Variants in MAGI3 observed in about 807,000 individuals in gnomAD.
MAGI3 encodes the protein membrane associated guanylate kinase, WW and PDZ domain containing 3.
In MAGI3, 43 loss-of-function variants were observed where a neutral mutation model predicts 121.8. The ratio of observed to expected loss-of-function variants is 0.35; its 90% CI spans 0.28 to 0.46. MAGI3 has a LOEUF of 0.46. Ranked by LOEUF, MAGI3 falls within the 20% of genes least tolerant of loss-of-function variation. The pLI is 1.00. For synonymous variants in MAGI3, 553 were observed against 639.3 expected (o/e 0.86, Z 2.04); for missense variants, 1,547 against 1,797.3 (o/e 0.86, Z 2.52).
At chr1:113,592,866 G>A (rs930660258) in intron 5 of MAGI3, among the ~76,000 whole-genome samples, 4 of 152,016 alleles carry the variant, frequency 2.6e-5, no homozygotes, top group Non-Finnish European at 5.9e-5. Context: ...CAAAAACTTA[G>A]CTGGGCACGG....
intron 1 of MAGI3, among the ~76,000 whole-genome samples, chr1:113,486,843 A>T (rs1656406791): frequency 6.6e-6 from 1 of 151,838 alleles, no homozygotes; most frequent in African/African-American, 2.4e-5. Context: ...TGGAGACAGG[A>T]TCTTGCTATG....
chr1:113,417,951 A>G, intron 1 of MAGI3, among the ~76,000 whole-genome samples: 1 of 152,132 alleles, frequency 6.6e-6, no homozygotes, highest in Non-Finnish European at 1.5e-5. Flanking sequence ...CTAATTACCA[A>G]GTTTTATCAG....
chr1:113,581,817 G>A (rs548770019), intron 3 of MAGI3, among the ~76,000 whole-genome samples: 13 of 152,136 alleles, frequency 8.5e-5, no homozygotes, highest in South Asian at 2.1e-4. Flanking sequence ...TTGTTCATTC[G>A]TTTTATCCTG....
intron 1 of MAGI3, among the ~76,000 whole-genome samples, chr1:113,461,427 C>G (rs1655028779): frequency 6.7e-6 from 1 of 150,182 alleles, no homozygotes; most frequent in African/African-American, 2.4e-5. Context: ...AGAAATCAGG[C>G]CACGCATCTG....
At chr1:113,582,569 T>C (rs192541081) in intron 3 of MAGI3, among the ~76,000 whole-genome samples, 1 of 152,186 alleles carries the variant, frequency 6.6e-6, no homozygotes, top group Non-Finnish European at 1.5e-5. Context: ...ATTATACTAT[T>C]TATGAAAAAA....
intron 2 of MAGI3, among the ~76,000 whole-genome samples, chr1:113,564,421 A>T (rs1660354693): frequency 6.6e-6 from 1 of 152,220 alleles, no homozygotes; most frequent in Non-Finnish European, 1.5e-5. Flanking sequence ...TTTAGGATAG[A>T]TTCTCCTGTG....
intron 1 of MAGI3, among the ~76,000 whole-genome samples, chr1:113,528,814 T>C (rs1160884877): frequency 6.6e-6 from 1 of 152,196 alleles, no homozygotes; most frequent in Non-Finnish European, 1.5e-5. Flanking sequence ...CCAGTGTTAA[T>C]ACTATAAGCA....
intron 1 of MAGI3, among the ~76,000 whole-genome samples, chr1:113,399,597 A>C (rs1251090820): frequency 2.0e-5 from 3 of 152,128 alleles, no homozygotes; most frequent in Non-Finnish European, 2.9e-5. Flanking sequence ...TTTAAATAAA[A>C]AATTGCTTTT....
chr1:113,604,499 G>A lies in MAGI3; in HGVS notation c.1018+9939G>A, dbSNP rs142951988. 7.2e-3 allele frequency among the ~76,000 whole-genome samples: 1,063 copies of A among 148,484 alleles called. 13 individuals carry two copies. The highest frequency in any genetic ancestry group is 0.025 in the African/African-American group (991 of 40,266). On this transcript the variant is annotated intron_variant, in intron 6 of 20. Transcript: ENST00000307546. ...GGAGAATCGCTTGAATCCAGGAGGC[G>A]GAGGTTGTGGTGAGCTGAGATCATG... is the stretch of plus-strand genomic sequence containing the variant.
At chr1:113,668,206 A>G (rs919934507) in intron 16 of MAGI3, among the ~76,000 whole-genome samples, 10 of 152,220 alleles carry the variant, frequency 6.6e-5, no homozygotes, top group Non-Finnish European at 1.3e-4. Context: ...GACTCGCCCA[A>G]TGCAGGGTTG....
At chr1:113,536,628 CT>C (rs766559948) in intron 1 of MAGI3, among the ~76,000 whole-genome samples, 82 of 145,534 alleles carry the variant, frequency 5.6e-4, no homozygotes, top group Admixed American at 6.2e-4. Context: ...TTACTTTTTT[CT>C]TTTTTTTTTT....
At chr1:113,449,324 CAAAT>C (rs1354369659) in intron 1 of MAGI3, among the ~76,000 whole-genome samples, 4 of 149,512 alleles carry the variant, frequency 2.7e-5, no homozygotes, top group Admixed American at 6.7e-5. Flanking sequence ...TTTGAGGCAG[CAAAT>C]AAATCCTTTA....
chr1:113,395,206 T>C (rs1488226061), intron 1 of MAGI3, among the ~76,000 whole-genome samples: 5 of 150,070 alleles, frequency 3.3e-5, no homozygotes, highest in African/African-American at 1.2e-4. Flanking sequence ...AGTTAATTGT[T>C]AGCCTCCCAG....
At chr1:113,580,840 T>A (rs1292066030) in intron 3 of MAGI3, 179 bp downstream of exon 3, 7 of 441,450 alleles carry the variant, frequency 1.6e-5, no homozygotes, top group African/African-American at 8.2e-5. Flanking sequence ...TGGGATTAAA[T>A]AATAAGCAAA....
intron 16 of MAGI3, among the ~76,000 whole-genome samples, chr1:113,671,309 G>C (rs1171480158): frequency 6.6e-6 from 1 of 152,172 alleles, no homozygotes; most frequent in African/African-American, 2.4e-5. Context: ...GTGGTTTGCA[G>C]ACTGGCCTCC....
At chr1:113,587,327 C>T (rs1648434294) in intron 4 of MAGI3, among the ~76,000 whole-genome samples, 2 of 152,166 alleles carry the variant, frequency 1.3e-5, no homozygotes, top group Admixed American at 1.3e-4. Context: ...TCCTAAGTAG[C>T]TAGGATTACA....
intron 9 of MAGI3, among the ~76,000 whole-genome samples, chr1:113,630,394 A>T (rs1651549078): frequency 6.6e-6 from 1 of 152,092 alleles, no homozygotes; most frequent in Non-Finnish European, 1.5e-5. Flanking sequence ...AGAAATGCTG[A>T]CCAAGAGCCT....
At chr1:113,453,089 G>T (rs890304111) in intron 1 of MAGI3, among the ~76,000 whole-genome samples, 1 of 152,144 alleles carries the variant, frequency 6.6e-6, no homozygotes, top group Admixed American at 6.5e-5. Flanking sequence ...AAGCAGACCA[G>T]CTCAGCCTAG....
intron 20 of MAGI3, chr1:113,682,395 A>G (rs1648278541): frequency 1.4e-6 from 2 of 1,445,558 alleles, no homozygotes; most frequent in Admixed American, 5.8e-5. Context: ...TATCTTCTGC[A>G]CTTTTCAGTC....
Sources: gnomAD v4.1 joint callset for allele counts (sites outside exome capture counted in the v4.1 genomes callset) on GRCh38, gnomAD v4.1.1 for gene constraint, MANE v1.5 for transcripts, NCBI Gene and HGNC (gene_info 2026-07-23, HGNC 2026-07-21) for gene names.